Variants in CTDSPL observed in about 807,000 individuals in gnomAD.
The protein encoded by CTDSPL is CTD small phosphatase like.
CTDSPL carries 8 observed loss-of-function variants against 30.5 expected under a neutral mutation model. The ratio of observed to expected loss-of-function variants is 0.26; its 90% CI spans 0.15 to 0.47. The LOEUF (loss-of-function observed/expected upper bound fraction) is 0.47. Ranked by LOEUF, CTDSPL falls within the 20% of genes least tolerant of loss-of-function variation. CTDSPL has a pLI of 0.99. For missense variants in CTDSPL, 248 were observed against 366.1 expected (o/e 0.68, Z 2.63); for synonymous variants, 110 against 137.9 (o/e 0.80, Z 1.42).
chr3:37,895,181 C>T (rs73056986), intron 1 of CTDSPL, among the ~76,000 whole-genome samples: 8,462 of 152,066 alleles, frequency 0.056, 293 homozygotes, highest in African/African-American at 0.1. Flanking sequence ...ACAGGTTTTC[C>T]GGGAAGTGAG....
At position 37,865,709 on chromosome 3, in the gene CTDSPL, T is replaced by C. The variant is rs150353420; in HGVS notation, c.79+3431T>C. 2.0e-5 allele frequency among the ~76,000 whole-genome samples: 3 copies of C among 152,312 alleles called. No individual in the cohort carries two copies. The East Asian group carries it at 5.8e-4, about 29-fold the overall frequency. On this transcript the variant is annotated intron_variant, in intron 1 of 7. Coordinates refer to ENST00000273179, the MANE Select transcript of CTDSPL (RefSeq NM_001008392.2). ...ATTCTCCTGGTTTTCCCTCATGTTA[T>C]AGCATGGCTGCCACCCTTCCAAACA...
chr3:37,967,903 T>C (rs760187314), intron 5 of CTDSPL, 21 bp downstream of exon 5: 62 of 1,554,338 alleles, frequency 4.0e-5, no homozygotes, highest in Non-Finnish European at 5.1e-5. Context: ...GAAGCTAAAT[T>C]TGAGTTTCAA....
intron 1 of CTDSPL, among the ~76,000 whole-genome samples, chr3:37,917,188 T>A (rs1156635105): frequency 6.6e-6 from 1 of 152,104 alleles, no homozygotes; most frequent in Non-Finnish European, 1.5e-5. Context: ...TGGGTAAGGG[T>A]GGGAGCACAG....
At chr3:37,938,398 A>G (rs1304371258) in intron 1 of CTDSPL, among the ~76,000 whole-genome samples, 1 of 150,448 alleles carries the variant, frequency 6.6e-6, no homozygotes, top group Non-Finnish European at 1.5e-5. Context: ...GCATGGGCAG[A>G]TATCACACTA....
intron 1 of CTDSPL, among the ~76,000 whole-genome samples, chr3:37,913,733 G>A (rs1360540335): frequency 1.3e-5 from 2 of 152,204 alleles, no homozygotes; most frequent in African/African-American, 2.4e-5. Context: ...AGAGAGTGAG[G>A]ATATTGCTCC....
intron 1 of CTDSPL, among the ~76,000 whole-genome samples, chr3:37,925,380 G>A (rs887475553): frequency 1.3e-5 from 2 of 152,192 alleles, no homozygotes; most frequent in African/African-American, 4.8e-5. Context: ...TCCTGGGCTT[G>A]TCTTTCTCCT....
At chr3:37,883,440 T>A (rs1698230361) in intron 1 of CTDSPL, among the ~76,000 whole-genome samples, 1 of 152,230 alleles carries the variant, frequency 6.6e-6, no homozygotes, top group Non-Finnish European at 1.5e-5. Flanking sequence ...TTAATTTTCA[T>A]TGACCTCTAA....
Position 37,928,670 on chromosome 3 carries a change from A to AT in CTDSPL, c.80-18380dup, listed in dbSNP as rs1202720138. On this transcript the variant is annotated intron_variant, in intron 1 of 7. Coordinates refer to ENST00000273179, the MANE Select transcript of CTDSPL (RefSeq NM_001008392.2). ...GTTCTGCATTGTAAGGGTTCTTTAT[A>AT]TTTTTTTGGATACTCTTTTATTGGA... 6.6e-5 allele frequency among the ~76,000 whole-genome samples: 10 copies of AT among 151,986 alleles called. No individual in the cohort carries two copies. The South Asian group carries it at 1.9e-3, about 28-fold the overall frequency.
At chr3:37,903,329 G>A (rs1283639356) in intron 1 of CTDSPL, among the ~76,000 whole-genome samples, 2 of 152,232 alleles carry the variant, frequency 1.3e-5, no homozygotes, top group Non-Finnish European at 2.9e-5. Flanking sequence ...GAATATGTAT[G>A]CACATACTTT....
At position 37,955,367 on chromosome 3, in the gene CTDSPL, C is replaced by T. The variant is rs572494810; in HGVS notation, c.235-1744C>T. 3.9e-5 allele frequency among the ~76,000 whole-genome samples: 6 copies of T among 152,238 alleles called. No homozygotes were observed. The East Asian group carries it at 7.7e-4, about 20-fold the overall frequency. ...GGCTTGAGCCAGGAGTTTGAGGCCG[C>T]AGTGAGCCGTGATCACACCACTGCA... On this transcript the variant is annotated intron_variant, in intron 2 of 7. Coordinates refer to ENST00000273179, the MANE Select transcript of CTDSPL (RefSeq NM_001008392.2).
At chr3:37,931,485 G>T (rs1169077927) in intron 1 of CTDSPL, among the ~76,000 whole-genome samples, 2 of 151,958 alleles carry the variant, frequency 1.3e-5, no homozygotes, top group Non-Finnish European at 2.9e-5. Context: ...TCTTTTGATT[G>T]GGGAGTTTAA....
chr3:37,979,208 A>G (rs2125636709), intron 7 of CTDSPL, among the ~76,000 whole-genome samples: 1 of 152,098 alleles, frequency 6.6e-6, no homozygotes, highest in East Asian at 1.9e-4. Flanking sequence ...GCTGCTTGCA[A>G]TCCCAGCACT....
chr3:37,895,673 T>C (rs758813380), intron 1 of CTDSPL, among the ~76,000 whole-genome samples: 6 of 152,242 alleles, frequency 3.9e-5, no homozygotes, highest in Non-Finnish European at 8.8e-5. Flanking sequence ...AGGTAGTTAT[T>C]TTTTATATTT....
At position 37,980,829 on chromosome 3, in the gene CTDSPL, G is replaced by A. The variant is rs745988993; in HGVS notation, c.793G>A (p.Asp265Asn). The change falls in exon 8 of 8, where the codon GAC becomes AAC. Residue 265 changes from aspartate to asparagine, a missense_variant. Coordinates refer to ENST00000273179, the MANE Select transcript of CTDSPL (RefSeq NM_001008392.2). ...CTTTGAGGGCCTGAGCCGGGAGGACGACGTGTACAGCATGCTGCACAGACT... is the reference window on the plus strand; with the variant it reads ...CTTTGAGGGCCTGAGCCGGGAGGACAACGTGTACAGCATGCTGCACAGACT... ...PFFEGLSRED[D>N]VYSMLHRLCN... is the part of the protein sequence containing the mutation. 25 of 1,614,034 alleles carry A rather than the reference G, an allele frequency of 1.5e-5. No homozygotes were observed. The Admixed American group carries it at 2.0e-4, about 13-fold the overall frequency.
chr3:37,892,336 G>A (rs565726686), intron 1 of CTDSPL, among the ~76,000 whole-genome samples: 76 of 152,256 alleles, frequency 5.0e-4, no homozygotes, highest in African/African-American at 1.8e-3. Context: ...TACATATAAA[G>A]GCACCTAACA....
At chr3:37,953,266 C>T (rs1213948995) in intron 2 of CTDSPL, among the ~76,000 whole-genome samples, 1 of 152,212 alleles carries the variant, frequency 6.6e-6, no homozygotes, top group Admixed American at 6.5e-5. Flanking sequence ...ATCTTATCCT[C>T]ATTCACGTGC....
intron 1 of CTDSPL, among the ~76,000 whole-genome samples, chr3:37,895,497 A>T (rs904481478): frequency 6.6e-6 from 1 of 152,194 alleles, no homozygotes; most frequent in African/African-American, 2.4e-5. Context: ...CAAGCACTAC[A>T]TGCTGTCTAT....
At chr3:37,979,665 G>A (rs1033821042) in intron 7 of CTDSPL, among the ~76,000 whole-genome samples, 1 of 152,230 alleles carries the variant, frequency 6.6e-6, no homozygotes, top group Non-Finnish European at 1.5e-5. Context: ...TTGGGAGGCT[G>A]AGGTGGAAGG....
At chr3:37,881,232 T>C (rs938842949) in intron 1 of CTDSPL, among the ~76,000 whole-genome samples, 1 of 152,046 alleles carries the variant, frequency 6.6e-6, no homozygotes, top group African/African-American at 2.4e-5. Flanking sequence ...AGAGATCATA[T>C]AAATACAAAA....
Sources: allele counts gnomAD v4.1 joint callset (sites outside exome capture counted in the v4.1 genomes callset), GRCh38; gene constraint gnomAD v4.1.1; transcripts MANE v1.5; gene names NCBI Gene and HGNC (gene_info 2026-07-23, HGNC 2026-07-21).